The following KRT72 variants were observed in gnomAD, a reference collection of about 807,000 sequenced individuals.
KRT72 encodes the protein keratin 72.
KRT72 carries 44 observed loss-of-function variants against 44.7 expected under a neutral mutation model. That is an observed-to-expected ratio of 0.98 (90% confidence interval 0.77 to 1.27). The LOEUF is 1.27. Among genes scored for constraint, KRT72 ranks in the 50% most tolerant of loss-of-function variants. The probability of loss-of-function intolerance (pLI) is 0.00; values close to 1 mark genes in which losing one functional copy is unlikely to be tolerated. For missense variants in KRT72, 736 were observed against 667.1 expected, an observed-to-expected ratio of 1.10 and a Z score of -1.14; for synonymous variants, 302 against 280.4, an observed-to-expected ratio of 1.08 and a Z score of -0.77.
At chr12:52,593,545 C>G (rs899819112) in intron 2 of KRT72, among the ~76,000 whole-genome samples, 2 of 152,018 alleles carry the variant, frequency 1.3e-5, no homozygotes, top group African/African-American at 4.8e-5. Flanking sequence ...CTCTTCCATC[C>G]CTTATTATTC....
At chr12:52,587,242 T>C (rs942917914) in intron 7 of KRT72, among the ~76,000 whole-genome samples, 8 of 152,086 alleles carry the variant, frequency 5.3e-5, no homozygotes, top group African/African-American at 9.7e-5. Context: ...CACTTCCCTC[T>C]AGTCATGCCA....
At chr12:52,596,013 G>A (rs1940216476) in intron 2 of KRT72, among the ~76,000 whole-genome samples, 1 of 152,198 alleles carries the variant, frequency 6.6e-6, no homozygotes, top group South Asian at 2.1e-4. Context: ...ATTTTGACAT[G>A]TAATCATTCA....
rs766532753 is a variant in KRT72, at chr12:52,586,970, C to T, written c.1321G>A (p.Glu441Lys). The T allele has an allele frequency of 1.1e-5, 17 of 1,613,768 alleles. No individual in the cohort carries two copies. The highest frequency in any genetic ancestry group is 1.3e-5 in the African/African-American group (1 of 74,882). Residue 441 changes from glutamate (E) to lysine (K), a missense_variant, in exon 8 of 9, where the codon GAA becomes AAA. Glu to Lys is a moderately conservative substitution (Grantham distance 56, BLOSUM62 1). Coordinates refer to ENST00000293745, the MANE Select transcript of KRT72 (RefSeq NM_080747.3). ...CAGATGCTCACAGAATTTGGATATT[C>T]GCCAGACATCCTGAAGAAGGAGAAG... ...LESEECRMSG[E>K]YPNSVSISVI...
rs562919594 is a variant in KRT72, at chr12:52,597,685, A to C, written c.641+1213T>G. The stretch of plus-strand genomic sequence containing the variant: ...CTAGTGAAGCTAGGATTCAAATCCA[A>C]GCCTTCTGACATAGGGAAAACAATG... On this transcript the variant is annotated intron_variant, in intron 2 of 8. Coordinates refer to ENST00000293745, the MANE Select transcript of KRT72 (RefSeq NM_080747.3). Among the ~76,000 whole-genome samples, 6 of 152,344 alleles carry C rather than the reference A, an allele frequency of 3.9e-5. No individual in the cohort carries two copies. The South Asian group carries it at 1.2e-3, about 32-fold the overall frequency.
At position 52,599,412 on chromosome 12, in the gene KRT72, G is replaced by A. The variant is rs993680656; in HGVS notation, c.427-300C>T. On this transcript the variant is annotated intron_variant, in intron 1 of 8. Transcript: ENST00000293745. The stretch of plus-strand genomic sequence containing the variant: ...CATGCTATAAATGCTGGTGTTTTCT[G>A]AGTAAAGAGAAATGGGGAGCAGGGG... The A allele has an allele frequency of 8.1e-6, 4 of 496,304 alleles. No individual in the cohort carries two copies. In the Admixed American group the frequency reaches 9.1e-5, roughly 11 times the overall value. 30.7% of individuals were successfully genotyped at this position (496,304 alleles called of 1,614,324 possible). A position where few individuals can be genotyped will look rare whatever the true frequency, so the allele number is the denominator to read the frequency against.
chr12:52,601,053 T>G lies in KRT72; in HGVS notation c.400A>C (p.Asn134His). 6.2e-7 allele frequency: 1 copy of G among 1,611,934 alleles called. No individual in the cohort carries two copies. The highest frequency in any genetic ancestry group is 1.1e-5 in the South Asian group (1 of 90,728). ...QEREQIKALN[N>H]KFASFIDKVR... ...TTGTCGATGAAGGAGGCGAACTTGT[T>G]GTTTAGCGCCTTGATCTGCTCCCGC... is the stretch of plus-strand genomic sequence containing the variant. Residue 134 changes from asparagine to histidine, a missense_variant, in exon 1 of 9, where the codon AAC becomes CAC. Physicochemically the swap from Asn to His is moderately conservative, Grantham distance 68. Coordinates refer to ENST00000293745, the MANE Select transcript of KRT72 (RefSeq NM_080747.3).
intron 2 of KRT72, among the ~76,000 whole-genome samples, chr12:52,597,789 G>A (rs2120800899): frequency 6.6e-6 from 1 of 152,238 alleles, no homozygotes. Context: ...CCTCTCAATA[G>A]CTCTTTTAGG....
intron 1 of KRT72, 71 bp from the exon 2 acceptor site, chr12:52,599,183 A>C: frequency 3.4e-6 from 5 of 1,474,856 alleles, no homozygotes; most frequent in Non-Finnish European, 4.7e-6. Flanking sequence ...AAAGGGCCCC[A>C]AAAACCAGAG....
chr12:52,602,276 A>C (rs1940501942), upstream of KRT72, among the ~76,000 whole-genome samples: 1 of 152,118 alleles, frequency 6.6e-6, no homozygotes, highest in Admixed American at 6.5e-5. Context: ...GTTTTCTTTT[A>C]ATAGCAGAAG....
intron 3 of KRT72, 56 bp from the exon 4 acceptor site, chr12:52,592,547 C>T (rs989661711): frequency 3.1e-6 from 4 of 1,302,356 alleles, no homozygotes; most frequent in African/African-American, 2.9e-5. Flanking sequence ...CCCATCCCTC[C>T]CTCCCTGCCA....
chr12:52,601,538 T>G, upstream of KRT72: 4 of 1,381,518 alleles, frequency 2.9e-6, no homozygotes, highest in Non-Finnish European at 3.9e-6. Context: ...GCCCCTTAAA[T>G]AGCCTGGCTG....
At chr12:52,592,336 G>T in intron 4 of KRT72, 60 bp downstream of exon 4, 1 of 1,218,244 alleles carries the variant, frequency 8.2e-7, no homozygotes, top group Non-Finnish European at 1.2e-6. Context: ...TTCCAGCCAG[G>T]GGCCAGAAAC....
chr12:52,598,967 G>A lies in KRT72; in HGVS notation c.572C>T (p.Ser191Phe), dbSNP rs1312093513. The stretch of plus-strand genomic sequence containing the variant: ...CGAATCCAGCCTCACCCCGTCCCCA[G>A]ACAGCATCTCCAGCTGCTTCTGCAG... ...SNLQKQLEML[S>F]GDGVRLDSEL... is the part of the protein sequence containing the mutation. The change falls in exon 2 of 9, where the codon TCT (serine) becomes TTT (phenylalanine). Residue 191 changes from serine to phenylalanine, a missense_variant. Transcript: ENST00000293745. 1 of 1,614,178 alleles carries A rather than the reference G, an allele frequency of 6.2e-7. No homozygotes were observed. Among genetic ancestry groups the A allele is most frequent in the Non-Finnish European group, 8.5e-7 (1 of 1,180,040 alleles).
upstream of KRT72, among the ~76,000 whole-genome samples, chr12:52,602,922 G>A (rs540555547): frequency 5.9e-5 from 9 of 152,290 alleles, no homozygotes; most frequent in Non-Finnish European, 1.0e-4. Flanking sequence ...ATTGTTAAGC[G>A]CTGGAGATGG....
intron 2 of KRT72, among the ~76,000 whole-genome samples, chr12:52,597,519 A>G (rs983951078): frequency 3.3e-5 from 5 of 152,252 alleles, no homozygotes; most frequent in African/African-American, 9.6e-5. Context: ...ACTACATGCT[A>G]AACACTGTGC....
intron 2 of KRT72, among the ~76,000 whole-genome samples, chr12:52,597,610 G>A (rs1940266305): frequency 6.6e-6 from 1 of 152,148 alleles, no homozygotes; most frequent in African/African-American, 2.4e-5. Flanking sequence ...CAATTTTATA[G>A]ATGAGGCAAA....
intron 1 of KRT72, among the ~76,000 whole-genome samples, chr12:52,600,638 T>C (rs1259499669): frequency 2.6e-5 from 4 of 152,166 alleles, no homozygotes; most frequent in African/African-American, 9.7e-5. Context: ...CATTTTTCTC[T>C]GGCCGCCGCC....
At chr12:52,599,303 C>A in intron 1 of KRT72, 191 bp from the exon 2 acceptor site, 1 of 666,496 alleles carries the variant, frequency 1.5e-6, no homozygotes, top group South Asian at 1.5e-5. Flanking sequence ...AGGACCCGGT[C>A]TATATGGAAT....
Position 52,592,906 on chromosome 12 carries a change from C to T in KRT72, c.688G>A (p.Val230Met), listed in dbSNP as rs763830250. Reference sequence around the variant, plus strand: ...ACCCCTCTTACCTTCTTGAGCACCACAAACTCATTCTCAGCAGCTGTGCGT... The same window carrying T: ...ACCCCTCTTACCTTCTTGAGCACCATAAACTCATTCTCAGCAGCTGTGCGT... ...NRRTAAENEF[V>M]VLKKDVDAAY... is the part of the protein sequence containing the mutation. The change falls in exon 3 of 9, where the codon GTG (valine) becomes ATG (methionine). Residue 230 changes from valine (V) to methionine (M), a missense_variant. By Grantham distance (21) the Val-to-Met change is conservative. Transcript: ENST00000293745. 2.5e-6 allele frequency: 4 copies of T among 1,613,872 alleles called. No individual in the cohort carries two copies. The highest frequency in any genetic ancestry group is 1.3e-5 in the African/African-American group (1 of 74,936).
Sources: gnomAD v4.1 joint callset for allele counts (sites outside exome capture counted in the v4.1 genomes callset) on GRCh38, gnomAD v4.1.1 for gene constraint, MANE v1.5 for transcripts, NCBI Gene and HGNC (gene_info 2026-07-23, HGNC 2026-07-21) for gene names.